Variants in CPNE5 observed in about 807,000 individuals in gnomAD.
CPNE5 encodes the protein copine 5.
A neutral mutation model predicts 81.1 loss-of-function variants in CPNE5; 42 were observed. The ratio of observed to expected loss-of-function variants is 0.52; its 90% CI spans 0.40 to 0.67. CPNE5 has a LOEUF of 0.67. Among genes scored for constraint, CPNE5 ranks in the 30% least tolerant of loss-of-function variants. The pLI, the probability that CPNE5 is intolerant of heterozygous loss-of-function variation, is 0.00. For synonymous variants in CPNE5, 313 were observed against 321.5 expected (o/e 0.97, Z 0.28); for missense variants, 612 against 815.5 (o/e 0.75, Z 3.04).
chr6:36,768,298 G>A (rs1394710942), intron 10 of CPNE5, among the ~76,000 whole-genome samples: 1 of 129,356 alleles, frequency 7.7e-6, no homozygotes, highest in Non-Finnish European at 1.6e-5. Context: ...GCAGTGGTAC[G>A]ATCTCGGCTC....
chr6:36,779,001 G>A (rs757265951), intron 8 of CPNE5, 44 bp from the exon 9 acceptor site: 1 of 1,352,036 alleles, frequency 7.4e-7, no homozygotes, highest in South Asian at 1.2e-5. Context: ...AGGAGAAAGT[G>A]GAAGCACAGC....
chr6:36,800,059 G>T lies in CPNE5; in HGVS notation c.195C>A (p.Thr65=). Residue 65 remains threonine, a synonymous_variant, in exon 4 of 21, where the codon ACC becomes ACA. Coordinates refer to ENST00000244751, the MANE Select transcript of CPNE5 (RefSeq NM_020939.2). ...ENKQWREFGR[T]EVIDNTLNPD... is the part of the protein sequence containing the mutation. ...GATTGAGCGTGTTGTCGATGACTTC[G>T]GTGCGCCCAAACTGCAAGAGAAGAT... 2 of 1,612,374 alleles carry T rather than the reference G, an allele frequency of 1.2e-6. No homozygotes were observed.
intron 9 of CPNE5, among the ~76,000 whole-genome samples, chr6:36,778,173 G>C (rs906246440): frequency 6.6e-6 from 1 of 152,176 alleles, no homozygotes; most frequent in Non-Finnish European, 1.5e-5. Context: ...TCACACAACA[G>C]GCTGCTGGGG....
At chr6:36,768,198 A>C (rs1174796220) in intron 10 of CPNE5, among the ~76,000 whole-genome samples, 1 of 142,222 alleles carries the variant, frequency 7.0e-6, no homozygotes, top group African/African-American at 2.6e-5. Context: ...GAAGACAAAT[A>C]AGGCTTTGAC....
chr6:36,763,463 C>T (rs1242927075), intron 11 of CPNE5, among the ~76,000 whole-genome samples: 3 of 151,932 alleles, frequency 2.0e-5, no homozygotes, highest in Non-Finnish European at 4.4e-5. Context: ...ATTAGCCAGG[C>T]GTGGTGGTGG....
At chr6:36,752,276 C>T (rs1422274361) in intron 14 of CPNE5, among the ~76,000 whole-genome samples, 1 of 152,166 alleles carries the variant, frequency 6.6e-6, no homozygotes, top group East Asian at 1.9e-4. Flanking sequence ...GGCACCTGTC[C>T]TGGCAGGCAG....
Position 36,742,063 on chromosome 6 carries a change from C to T in CPNE5, c.*205G>A, listed in dbSNP as rs150397597. ...GGTCCCTGTGTACCCCTCTTTCACC[C>T]GTACCCCCCTAACTCCCTGGGTTTG... On this transcript the variant is annotated 3_prime_UTR_variant, in exon 21 of 21. Coordinates refer to ENST00000244751, the MANE Select transcript of CPNE5 (RefSeq NM_020939.2). The T allele has an allele frequency of 3.7e-4, 208 of 564,826 alleles. 1 individual carries two copies. Among genetic ancestry groups the T allele is most frequent in the Middle Eastern group, 9.2e-4 (2 of 2,170 alleles). The allele number at this position is 564,826 out of a possible 1,614,324, so 35.0% of individuals were successfully genotyped here. A position where few individuals can be genotyped will look rare whatever the true frequency, so the allele number is the denominator to read the frequency against.
At position 36,763,139 on chromosome 6, in the gene CPNE5, G is replaced by T. The variant is rs572047560; in HGVS notation, c.780-147C>A. 121 of 697,936 alleles carry T rather than the reference G, an allele frequency of 1.7e-4. 1 individual carries two copies. Among genetic ancestry groups the T allele is most frequent in the South Asian group, 9.1e-4 (54 of 59,612 alleles). The allele number at this position is 697,936 out of a possible 1,614,324, so 43.2% of individuals were successfully genotyped here. On this transcript the variant is annotated intron_variant, in intron 11 of 20. Coordinates refer to ENST00000244751, the MANE Select transcript of CPNE5 (RefSeq NM_020939.2). ...ACACGCCAGCAGACAGGCTGGGTCC[G>T]TGGGAAGAGAGCCCAGTGTTGCCCA...
intron 3 of CPNE5, among the ~76,000 whole-genome samples, chr6:36,806,843 G>A (rs1387795024): frequency 6.6e-6 from 1 of 152,206 alleles, no homozygotes; most frequent in Non-Finnish European, 1.5e-5. Context: ...CCAGCCCTTT[G>A]GGACGTGGGA....
At chr6:36,744,617 C>G (rs972979569) in intron 18 of CPNE5, 1 of 510,094 alleles carries the variant, frequency 2.0e-6, no homozygotes, top group Non-Finnish European at 3.5e-6. Flanking sequence ...AGACCACCGG[C>G]TTGGGGAGCC....
At chr6:36,802,245 AGGTT>A (rs1770187408) in intron 3 of CPNE5, among the ~76,000 whole-genome samples, 1 of 131,718 alleles carries the variant, frequency 7.6e-6, no homozygotes, top group Admixed American at 7.7e-5. Context: ...AAAAAAAAAA[AGGTT>A]ATGATGGAAA....
chr6:36,804,042 T>C (rs1307322188), intron 3 of CPNE5, among the ~76,000 whole-genome samples: 4 of 152,166 alleles, frequency 2.6e-5, no homozygotes, highest in Non-Finnish European at 4.4e-5. Flanking sequence ...AGTTATTTCA[T>C]TCAATTCTCA....
chr6:36,827,907 C>T (rs1025693160), intron 1 of CPNE5: 3 of 238,956 alleles, frequency 1.3e-5, no homozygotes, highest in African/African-American at 2.3e-5. Context: ...ACAACCCTTC[C>T]GCTGTCTGCA....
intron 15 of CPNE5, among the ~76,000 whole-genome samples, chr6:36,747,456 T>C (rs568487684): frequency 2.0e-5 from 3 of 152,292 alleles, no homozygotes; most frequent in African/African-American, 7.2e-5. Flanking sequence ...CTTCATAGGA[T>C]TGATGTGAAT....
At chr6:36,827,610 T>TAC in intron 1 of CPNE5, 24 of 985,360 alleles carry the variant, frequency 2.4e-5, no homozygotes, top group Non-Finnish European at 2.7e-5. Flanking sequence ...CACACACACG[T>TAC]GTAGCACCAG....
chr6:36,749,125 G>T (rs1030339632), intron 14 of CPNE5, among the ~76,000 whole-genome samples: 1 of 151,712 alleles, frequency 6.6e-6, no homozygotes, highest in East Asian at 1.9e-4. Flanking sequence ...TTGCAGAGAT[G>T]GGGTCTCATT....
Position 36,746,330 on chromosome 6 carries a change from C to A in CPNE5, c.1200+66G>T, listed in dbSNP as rs114256277. On this transcript the variant is annotated intron_variant, in intron 16 of 20. Transcript: ENST00000244751. The surrounding 1 kb of genome is among the most constrained non-coding windows in gnomAD (Gnocchi z 4.5). ...GCTCAGAGGAAGGGAAACGTCCCCC[C>A]ACCCCCAGCTTGTCACCTCACCCCC... 1,011 of 1,408,982 alleles carry A rather than the reference C, an allele frequency of 7.2e-4. 13 individuals carry two copies. In the African/African-American group the frequency reaches 0.011, roughly 16 times the overall value. 87.3% of individuals were successfully genotyped at this position (1,408,982 alleles called of 1,614,324 possible). A position where few individuals can be genotyped will look rare whatever the true frequency, so the allele number is the denominator to read the frequency against.
chr6:36,831,352 G>A (rs780959962), intron 1 of CPNE5, among the ~76,000 whole-genome samples: 18 of 149,774 alleles, frequency 1.2e-4, no homozygotes, highest in Non-Finnish European at 1.8e-4. Flanking sequence ...ACCGCACCCG[G>A]ACTCTTTTTA....
At chr6:36,806,943 G>C (rs1447635909) in intron 3 of CPNE5, among the ~76,000 whole-genome samples, 2 of 152,250 alleles carry the variant, frequency 1.3e-5, no homozygotes, top group African/African-American at 4.8e-5. Flanking sequence ...ATTGTAGAAA[G>C]TGGCCATCCT....
Sources: gnomAD v4.1 joint callset for allele counts (sites outside exome capture counted in the v4.1 genomes callset) on GRCh38, gnomAD v4.1.1 for gene constraint, Gnocchi (gnomAD v3.1) non-coding constraint, MANE v1.5 for transcripts, NCBI Gene and HGNC (gene_info 2026-07-23, HGNC 2026-07-21) for gene names.